Variants in ST3GAL4 observed in about 807,000 individuals in gnomAD.
ST3GAL4 encodes the protein ST3 beta-galactoside alpha-2,3-sialyltransferase 4, also known as CMP-N-acetylneuraminate-beta-galactosamide-alpha-2,3-sialyltransferase 4.
ST3GAL4 carries 24 observed loss-of-function variants against 42.6 expected under a neutral mutation model. The observed-to-expected ratio is 0.56, with a 90% CI of 0.41 to 0.79. The LOEUF (loss-of-function observed/expected upper bound fraction) is 0.79. Ranked by LOEUF, ST3GAL4 falls within the 30% of genes least tolerant of loss-of-function variation. ST3GAL4 has a pLI of 0.00. For synonymous variants in ST3GAL4, 135 were observed against 163.2 expected (o/e 0.83, Z 1.32); for missense variants, 311 against 430.8 (o/e 0.72, Z 2.46).
intron 1 of ST3GAL4, among the ~76,000 whole-genome samples, chr11:126,390,050 G>T (rs1433811070): frequency 1.3e-5 from 2 of 150,266 alleles, no homozygotes; most frequent in Non-Finnish European, 3.0e-5. Context: ...GGGCGCGGTG[G>T]GGGGCGCCTG....
chr11:126,364,538 G>GGGTGA (rs1456175250), intron 1 of ST3GAL4, among the ~76,000 whole-genome samples: 1 of 143,434 alleles, frequency 7.0e-6, no homozygotes, highest in East Asian at 2.2e-4. Flanking sequence ...GACCTGTCTG[G>GGGTGA]GGTGAGGTGA....
rs896197688 is a variant in ST3GAL4, at chr11:126,392,939, G to C, written c.-60-13157G>C. The stretch of plus-strand genomic sequence containing the variant: ...ACTGATTCCAGATCTCTCAACATTT[G>C]TAACACGACCAACTCCTGTTCTTTT... On this transcript the variant is annotated intron_variant, in intron 1 of 10. Coordinates refer to ENST00000444328, the MANE Select transcript of ST3GAL4 (RefSeq NM_001254757.2). The surrounding 1 kb of genome is among the most constrained non-coding windows in gnomAD (Gnocchi z 5.8). Among the ~76,000 whole-genome samples the C allele has an allele frequency of 6.7e-6, 1 of 149,588 alleles. No individual in the cohort carries two copies. Among genetic ancestry groups the C allele is most frequent in the African/African-American group, 2.5e-5 (1 of 40,424 alleles).
Position 126,414,376 on chromosome 11 carries a change from C to T in ST3GAL4, c.*329C>T, listed in dbSNP as rs1170404688. The stretch of plus-strand genomic sequence containing the variant: ...GTAGGAAGGTGCTGTGGGCTGGTCC[C>T]ACACATCCAGGAAAGAGGCCAGTAG... On this transcript the variant is annotated 3_prime_UTR_variant, in exon 11 of 11. Transcript: ENST00000444328. 6.2e-6 allele frequency: 2 copies of T among 323,056 alleles called. No individual in the cohort carries two copies. The highest frequency in any genetic ancestry group is 4.2e-5 in the South Asian group (1 of 24,026). 20.0% of individuals were successfully genotyped at this position (323,056 alleles called of 1,614,324 possible). A position where few individuals can be genotyped will look rare whatever the true frequency, so the allele number is the denominator to read the frequency against.
At position 126,397,789 on chromosome 11, in the gene ST3GAL4, A is replaced by G. The variant is rs1953841682; in HGVS notation, c.-60-8307A>G. 6.6e-6 allele frequency among the ~76,000 whole-genome samples: 1 copy of G among 152,118 alleles called. No homozygotes were observed. Among genetic ancestry groups the G allele is most frequent in the Admixed American group, 6.5e-5 (1 of 15,276 alleles). On this transcript the variant is annotated intron_variant, in intron 1 of 10. Coordinates refer to ENST00000444328, the MANE Select transcript of ST3GAL4 (RefSeq NM_001254757.2). This position sits in a 1 kb window ranked among gnomAD's most constrained non-coding sequence, Gnocchi z 5.0. ...GAAGAAGGGCAAGGTGGAGAGAGAG[A>G]GCAGGAAGGGGCCTAATTGTCCTTT...
chr11:126,371,801 G>A (rs10893498), intron 1 of ST3GAL4, among the ~76,000 whole-genome samples: 27,255 of 152,160 alleles, frequency 0.18, 2,666 homozygotes, highest in East Asian at 0.35. Flanking sequence ...AAATGCAATC[G>A]CCAGATTGTA....
rs149932521 is a variant in ST3GAL4, at chr11:126,373,644, T to C, written c.-61+17802T>C. ...GTCGTGGTGGGTAGCCTGTGGAGCC[T>C]GAGGGTGGGAACAGAGAGACTTCTT... is the stretch of plus-strand genomic sequence containing the variant. On this transcript the variant is annotated intron_variant, in intron 1 of 10. Coordinates refer to ENST00000444328, the MANE Select transcript of ST3GAL4 (RefSeq NM_001254757.2). This position sits in a 1 kb window ranked among gnomAD's most constrained non-coding sequence, Gnocchi z 5.5. Among the ~76,000 whole-genome samples, 1,203 of 152,166 alleles carry C rather than the reference T, an allele frequency of 7.9e-3. 17 individuals are homozygous for C. Among genetic ancestry groups the C allele is most frequent in the African/African-American group, 0.025 (1,033 of 41,526 alleles).
rs1237921162 is a variant in ST3GAL4 at position 126,396,428 on chromosome 11, G to A, written c.-60-9668G>A. On this transcript the variant is annotated intron_variant, in intron 1 of 10. Transcript: ENST00000444328. The surrounding 1 kb of genome is among the most constrained non-coding windows in gnomAD (Gnocchi z 5.8). Reference sequence around the variant, plus strand: ...GCAAAAAATGGTCGGATTCATGGAAGTCTGGTGTCCAGCTGGCAGGCATTA... The same window carrying A: ...GCAAAAAATGGTCGGATTCATGGAAATCTGGTGTCCAGCTGGCAGGCATTA... Among the ~76,000 whole-genome samples, 4 of 152,064 alleles carry A rather than the reference G, an allele frequency of 2.6e-5. No individual in the cohort carries two copies. Among genetic ancestry groups the A allele is most frequent in the Non-Finnish European group, 5.9e-5 (4 of 68,042 alleles).
chr11:126,358,629 G>T, intron 1 of ST3GAL4: 1 of 283,266 alleles, frequency 3.5e-6, no homozygotes, highest in Non-Finnish European at 7.3e-6. Context: ...TTTCTGACTG[G>T]AGCCCCTGAG....
At position 126,406,005 on chromosome 11, in the gene ST3GAL4, G is replaced by A; in HGVS notation, c.-60-91G>A. The A allele has an allele frequency of 6.9e-7, 1 of 1,446,466 alleles. No individual in the cohort carries two copies. The highest frequency in any genetic ancestry group is 1.2e-5 in the South Asian group (1 of 80,792). The allele number at this position is 1,446,466 out of a possible 1,614,324, so 89.6% of individuals were successfully genotyped here. ...AGCAGCTTCCTGCTTTCTGGTGGAA[G>A]GGAGGGGCAGACAGTGGGTGTGTCC... On this transcript the variant is annotated intron_variant, in intron 1 of 10. Coordinates refer to ENST00000444328, the MANE Select transcript of ST3GAL4 (RefSeq NM_001254757.2). The surrounding 1 kb of genome is among the most constrained non-coding windows in gnomAD (Gnocchi z 5.4).
intron 1 of ST3GAL4, among the ~76,000 whole-genome samples, chr11:126,390,316 G>T (rs569180832): frequency 2.0e-5 from 3 of 146,866 alleles, no homozygotes; most frequent in Non-Finnish European, 3.0e-5. Context: ...TGATGATAGT[G>T]TTTCCAGTTT....
At chr11:126,389,956 G>A (rs1407525954) in intron 1 of ST3GAL4, among the ~76,000 whole-genome samples, 5 of 150,094 alleles carry the variant, frequency 3.3e-5, no homozygotes, top group South Asian at 2.1e-4. Flanking sequence ...GGTGAATCAC[G>A]AGGTCAGGAG....
intron 1 of ST3GAL4, among the ~76,000 whole-genome samples, chr11:126,374,732 G>C (rs1018638183): frequency 6.6e-6 from 1 of 152,190 alleles, no homozygotes; most frequent in African/African-American, 2.4e-5. Context: ...CCGTAAGTGA[G>C]AAGAGTCCAT....
At position 126,398,935 on chromosome 11, in the gene ST3GAL4, G is replaced by A. The variant is rs1197988017; in HGVS notation, c.-60-7161G>A. Among the ~76,000 whole-genome samples, 1 of 152,190 alleles carries A rather than the reference G, an allele frequency of 6.6e-6. No homozygotes were observed. The highest frequency in any genetic ancestry group is 2.4e-5 in the African/African-American group (1 of 41,446). On this transcript the variant is annotated intron_variant, in intron 1 of 10. Transcript: ENST00000444328. This position sits in a 1 kb window ranked among gnomAD's most constrained non-coding sequence, Gnocchi z 4.7. ...CCCTGGACAGTGAGCCACAGGTCCT[G>A]AGGGCTCCCAAGACCTGGCTTTTGA... is the stretch of plus-strand genomic sequence containing the variant.
At chr11:126,361,627 C>G (rs1565390996) in intron 1 of ST3GAL4, among the ~76,000 whole-genome samples, 1 of 152,128 alleles carries the variant, frequency 6.6e-6, no homozygotes, top group Non-Finnish European at 1.5e-5. Flanking sequence ...GTTCTCCACT[C>G]CCTGCAGGTC....
At chr11:126,371,764 G>A (rs1459326474) in intron 1 of ST3GAL4, among the ~76,000 whole-genome samples, 1 of 152,210 alleles carries the variant, frequency 6.6e-6, no homozygotes, top group Non-Finnish European at 1.5e-5. Flanking sequence ...TCCCGTACAA[G>A]GGAGGGTTAC....
intron 1 of ST3GAL4, among the ~76,000 whole-genome samples, chr11:126,364,035 T>G (rs1393344942): frequency 6.6e-6 from 1 of 152,260 alleles, no homozygotes; most frequent in Non-Finnish European, 1.5e-5. Context: ...CTCATTCAGC[T>G]GCCTGGCGGC....
At chr11:126,408,627 C>T (rs4935965) in intron 8 of ST3GAL4, 131 bp downstream of exon 8, 343,458 of 1,122,000 alleles carry the variant, frequency 0.31, 53,245 homozygotes, top group East Asian at 0.47. Context: ...ACCGGGCTCC[C>T]GGAAGTCAGC....
At chr11:126,394,504 A>G (rs966425135) in intron 1 of ST3GAL4, among the ~76,000 whole-genome samples, 2 of 152,130 alleles carry the variant, frequency 1.3e-5, no homozygotes, top group Non-Finnish European at 2.9e-5. Context: ...AGCTCACTGC[A>G]GCCTCCACCT....
chr11:126,409,543 C>A lies in ST3GAL4; in HGVS notation c.771+132C>A. The A allele has an allele frequency of 8.0e-7, 1 of 1,253,392 alleles. No individual in the cohort carries two copies. The highest frequency in any genetic ancestry group is 1.1e-6 in the Non-Finnish European group (1 of 898,436). The allele number at this position is 1,253,392 out of a possible 1,614,324, so 77.6% of individuals were successfully genotyped here. ...GGTTTGCATTTTCCCTCCAGGAACA[C>A]ACCTGTCATTAAAGTTGCTGCTGCA... On this transcript the variant is annotated intron_variant, in intron 9 of 10. Transcript: ENST00000444328. The surrounding 1 kb of genome is among the most constrained non-coding windows in gnomAD (Gnocchi z 4.9).
Sources: allele counts gnomAD v4.1 joint callset (sites outside exome capture counted in the v4.1 genomes callset), GRCh38; gene constraint gnomAD v4.1.1; non-coding constraint Gnocchi (gnomAD v3.1); transcripts MANE v1.5; gene names NCBI Gene and HGNC (gene_info 2026-07-23, HGNC 2026-07-21).